Variants in DERA observed in about 807,000 individuals in gnomAD.
DERA encodes the protein 2-deoxy-D-ribose 5-phosphate aldolase.
Under a neutral mutation model 41.1 loss-of-function variants are expected in DERA, and 15 were observed. The ratio of observed to expected loss-of-function variants is 0.37; its 90% CI spans 0.24 to 0.56. The LOEUF (loss-of-function observed/expected upper bound fraction) is 0.56, where lower values mean the gene tolerates loss of function less well. Among genes scored for constraint, DERA ranks in the 20% least tolerant of loss-of-function variants. The pLI is 0.81. For synonymous variants in DERA, 139 were observed against 137.4 expected, an observed-to-expected ratio of 1.01 and a Z score of -0.08; for missense variants, 396 against 403.4, an observed-to-expected ratio of 0.98 and a Z score of 0.16.
At chr12:15,932,050 T>C (rs961468408) in intron 1 of DERA, among the ~76,000 whole-genome samples, 5 of 152,244 alleles carry the variant, frequency 3.3e-5, no homozygotes, top group African/African-American at 1.2e-4. Context: ...CCCTTTTCTT[T>C]GTAAATTACC....
chr12:15,989,571 AG>A lies in DERA; in HGVS notation c.637+7136del, dbSNP rs1948787734. Among the ~76,000 whole-genome samples the A allele has an allele frequency of 6.6e-6, 1 of 152,096 alleles. No homozygotes were observed. Among genetic ancestry groups the A allele is most frequent in the Non-Finnish European group, 1.5e-5 (1 of 68,018 alleles). On this transcript the variant is annotated intron_variant, in intron 6 of 8. Transcript: ENST00000428559. The surrounding 1 kb of genome is among the most constrained non-coding windows in gnomAD (Gnocchi z 5.2). ...CTGTATTTTGAGCTTTTAATTTTTT[AG>A]TGCCTGAGTTTTATTGTTATTTATA...
intron 1 of DERA, among the ~76,000 whole-genome samples, chr12:15,953,344 T>C (rs1948512907): frequency 6.6e-6 from 1 of 152,208 alleles, no homozygotes; most frequent in Admixed American, 6.5e-5. Flanking sequence ...TTAGGAATAC[T>C]GTGAAAAATA....
At chr12:15,977,815 A>G (rs924485126) in intron 5 of DERA, among the ~76,000 whole-genome samples, 1 of 152,186 alleles carries the variant, frequency 6.6e-6, no homozygotes, top group African/African-American at 2.4e-5. Context: ...CTCACGATGG[A>G]TGGTTAAATA....
At chr12:16,027,881 G>A (rs1300104553) in intron 6 of DERA, among the ~76,000 whole-genome samples, 2 of 152,188 alleles carry the variant, frequency 1.3e-5, no homozygotes, top group South Asian at 2.1e-4. Context: ...AAGGTTGCAC[G>A]ATGCATGGTT....
Position 16,001,990 on chromosome 12 carries a change from T to A in DERA, c.637+19554T>A, listed in dbSNP as rs750432807. On this transcript the variant is annotated intron_variant, in intron 6 of 8. Coordinates refer to ENST00000428559, the MANE Select transcript of DERA (RefSeq NM_015954.4). This position sits in a 1 kb window ranked among gnomAD's most constrained non-coding sequence, Gnocchi z 4.1. ...TAACAGCAAGGTTATTCTTTTTTTTTATTATTATTATGCTTTAAGTTTTAG... is the reference window on the plus strand; with the variant it reads ...TAACAGCAAGGTTATTCTTTTTTTTAATTATTATTATGCTTTAAGTTTTAG... Among the ~76,000 whole-genome samples the A allele has an allele frequency of 2.0e-5, 3 of 152,108 alleles. No individual in the cohort carries two copies. The highest frequency in any genetic ancestry group is 4.8e-5 in the African/African-American group (2 of 41,414).
At chr12:16,024,859 A>T (rs1207844075) in intron 6 of DERA, among the ~76,000 whole-genome samples, 10 of 152,170 alleles carry the variant, frequency 6.6e-5, no homozygotes, top group African/African-American at 2.4e-4. Context: ...TAAAGTAATA[A>T]TATAACAATT....
chr12:16,032,264 C>A (rs1228645741), intron 6 of DERA, among the ~76,000 whole-genome samples: 1 of 152,016 alleles, frequency 6.6e-6, no homozygotes, highest in Admixed American at 6.6e-5. Context: ...ATTAAATGAA[C>A]CAACTTGATT....
chr12:15,989,015 G>A lies in DERA; in HGVS notation c.637+6579G>A, dbSNP rs1488276379. 2.0e-5 allele frequency among the ~76,000 whole-genome samples: 3 copies of A among 152,266 alleles called. No individual in the cohort carries two copies. The highest frequency in any genetic ancestry group is 7.2e-5 in the African/African-American group (3 of 41,484). ...TGCTCCGCAGTGGAGAAGGCTCCAGGAGTAGGGAGAGGCCAGGGAGTGGGA... is the reference window on the plus strand; with the variant it reads ...TGCTCCGCAGTGGAGAAGGCTCCAGAAGTAGGGAGAGGCCAGGGAGTGGGA... On this transcript the variant is annotated intron_variant, in intron 6 of 8. Transcript: ENST00000428559. The surrounding 1 kb of genome is among the most constrained non-coding windows in gnomAD (Gnocchi z 5.2).
intron 6 of DERA, among the ~76,000 whole-genome samples, chr12:16,028,441 C>T (rs1949067867): frequency 6.6e-6 from 1 of 152,158 alleles, no homozygotes; most frequent in Admixed American, 6.5e-5. Flanking sequence ...ATGGAGAGGA[C>T]ACAAACCTTC....
Position 16,019,641 on chromosome 12 carries a change from G to A in DERA, c.638-12901G>A, listed in dbSNP as rs1949005594. Reference sequence around the variant, plus strand: ...GCTTTTGGTGTTTCTTTTTATGGTGGTGTTCTTCCATGTGTGCCCTCTCAT... The same window carrying A: ...GCTTTTGGTGTTTCTTTTTATGGTGATGTTCTTCCATGTGTGCCCTCTCAT... On this transcript the variant is annotated intron_variant, in intron 6 of 8. Transcript: ENST00000428559. The surrounding 1 kb of genome is among the most constrained non-coding windows in gnomAD (Gnocchi z 4.4). Among the ~76,000 whole-genome samples, 1 of 151,962 alleles carries A rather than the reference G, an allele frequency of 6.6e-6. No individual in the cohort carries two copies. Among genetic ancestry groups the A allele is most frequent in the Non-Finnish European group, 1.5e-5 (1 of 68,006 alleles).
chr12:15,962,684 GT>G, intron 4 of DERA, 128 bp from the exon 5 acceptor site: 1 of 681,326 alleles, frequency 1.5e-6, no homozygotes, highest in South Asian at 2.2e-5. Flanking sequence ...AAATGCTGAT[GT>G]TTGGGGGTTT....
In DERA at chr12:15,940,156, G is replaced by A. The variant is rs1948398683; in HGVS notation, c.32-16780G>A. On this transcript the variant is annotated intron_variant, in intron 1 of 8. Coordinates refer to ENST00000428559, the MANE Select transcript of DERA (RefSeq NM_015954.4). The surrounding 1 kb of genome is among the most constrained non-coding windows in gnomAD (Gnocchi z 5.1). Reference sequence around the variant, plus strand: ...AATTTATAGTGGTAGTCACAACAATGTCAGTTATTTTATCTTCAGCAAAAT... The same window carrying A: ...AATTTATAGTGGTAGTCACAACAATATCAGTTATTTTATCTTCAGCAAAAT... Among the ~76,000 whole-genome samples the A allele has an allele frequency of 6.6e-6, 1 of 152,064 alleles. No individual in the cohort carries two copies. Among genetic ancestry groups the A allele is most frequent in the African/African-American group, 2.4e-5 (1 of 41,422 alleles).
At position 15,921,512 on chromosome 12, in the gene DERA, G is replaced by C. The variant is rs917340817; in HGVS notation, c.31+10098G>C. On this transcript the variant is annotated intron_variant, in intron 1 of 8. Coordinates refer to ENST00000428559, the MANE Select transcript of DERA (RefSeq NM_015954.4). The surrounding 1 kb of genome is among the most constrained non-coding windows in gnomAD (Gnocchi z 5.3). ...TATTTTGGACTCAGGGAAGAAAGTA[G>C]GTTGTAACAATTCCTATTGTATTTG... 2.6e-5 allele frequency among the ~76,000 whole-genome samples: 4 copies of C among 152,266 alleles called. No individual in the cohort carries two copies.
rs1008988464 is a variant in DERA, at chr12:15,918,358, T to G, written c.31+6944T>G. On this transcript the variant is annotated intron_variant, in intron 1 of 8. Transcript: ENST00000428559. This position sits in a 1 kb window ranked among gnomAD's most constrained non-coding sequence, Gnocchi z 4.3. ...TGCGCTTCCACTCCCTATGTCTTGC[T>G]CCCGCTTTGTGCAGATCCCCTCCTT... Among the ~76,000 whole-genome samples, 5 of 152,094 alleles carry G rather than the reference T, an allele frequency of 3.3e-5. No homozygotes were observed. The highest frequency in any genetic ancestry group is 1.2e-4 in the African/African-American group (5 of 41,430).
chr12:15,932,724 T>C lies in DERA; in HGVS notation c.31+21310T>C, dbSNP rs918616710. Among the ~76,000 whole-genome samples the C allele has an allele frequency of 3.3e-5, 5 of 152,186 alleles. No individual in the cohort carries two copies. The East Asian group carries it at 9.6e-4, about 29-fold the overall frequency. ...GGTGAGAACATTTAAAGTCTATTGT[T>C]AACGATTTTCAGGAATACAATGCAT... On this transcript the variant is annotated intron_variant, in intron 1 of 8. Coordinates refer to ENST00000428559, the MANE Select transcript of DERA (RefSeq NM_015954.4).
chr12:16,029,991 C>T (rs1341641199), intron 6 of DERA, among the ~76,000 whole-genome samples: 1 of 122,512 alleles, frequency 8.2e-6, no homozygotes, highest in East Asian at 2.8e-4. Flanking sequence ...GGCACAATCT[C>T]GGCTCACTGC....
chr12:15,998,833 C>T lies in DERA; in HGVS notation c.637+16397C>T, dbSNP rs1394615993. On this transcript the variant is annotated intron_variant, in intron 6 of 8. Coordinates refer to ENST00000428559, the MANE Select transcript of DERA (RefSeq NM_015954.4). This position sits in a 1 kb window ranked among gnomAD's most constrained non-coding sequence, Gnocchi z 4.8. ...TTGTTGTTTGGTGTCTAGGCCAGCC[C>T]CGAGATTAGCTTACAGAATAACTGA... Among the ~76,000 whole-genome samples the T allele has an allele frequency of 6.6e-6, 1 of 152,060 alleles. No individual in the cohort carries two copies. The highest frequency in any genetic ancestry group is 2.4e-5 in the African/African-American group (1 of 41,388).
intron 6 of DERA, among the ~76,000 whole-genome samples, chr12:16,007,953 C>T (rs1232854732): frequency 1.3e-5 from 2 of 152,084 alleles, no homozygotes; most frequent in African/African-American, 4.8e-5. Flanking sequence ...TGTGTTCAAG[C>T]GATTCTCATG....
chr12:15,941,636 C>T lies in DERA; in HGVS notation c.32-15300C>T, dbSNP rs534330706. Among the ~76,000 whole-genome samples, 3 of 152,254 alleles carry T rather than the reference C, an allele frequency of 2.0e-5. No individual in the cohort carries two copies. Among genetic ancestry groups the T allele is most frequent in the East Asian group, 1.9e-4 (1 of 5,178 alleles). On this transcript the variant is annotated intron_variant, in intron 1 of 8. Transcript: ENST00000428559. The surrounding 1 kb of genome is among the most constrained non-coding windows in gnomAD (Gnocchi z 4.5). The stretch of plus-strand genomic sequence containing the variant: ...TGAGATCATAGGATGTTTGGTTTTC[C>T]ATTCCTGAGTTACTTCACTTAGAAC...
Sources: gnomAD v4.1 joint callset for allele counts (sites outside exome capture counted in the v4.1 genomes callset) on GRCh38, gnomAD v4.1.1 for gene constraint, Gnocchi (gnomAD v3.1) non-coding constraint, MANE v1.5 for transcripts, NCBI Gene and HGNC (gene_info 2026-07-23, HGNC 2026-07-21) for gene names.